The following MOG variants were observed in gnomAD, a reference collection of about 807,000 sequenced individuals.
The protein encoded by MOG is myelin oligodendrocyte glycoprotein.
MOG carries 20 observed loss-of-function variants against 35.9 expected under a neutral mutation model. The ratio of observed to expected loss-of-function variants is 0.56; its 90% CI spans 0.39 to 0.81. The LOEUF is 0.81. Among genes scored for constraint, MOG ranks in the 30% least tolerant of loss-of-function variants. The pLI is 0.00. For synonymous variants in MOG, 92 were observed against 114.3 expected, an observed-to-expected ratio of 0.80 and a Z score of 1.25; for missense variants, 251 against 301.0, an observed-to-expected ratio of 0.83 and a Z score of 1.23.
In MOG at chr6:29,670,062, C is replaced by A. The variant is rs1771119427; in HGVS notation, c.593-219C>A. 3.6e-6 allele frequency: 3 copies of A among 824,890 alleles called. No individual in the cohort carries two copies. The highest frequency in any genetic ancestry group is 1.7e-5 in the African/African-American group (1 of 59,164). The allele number at this position is 824,890 out of a possible 1,614,324, so 51.1% of individuals were successfully genotyped here. ...GGGATTACAGGCATGAGCCACCACACCTGGCAGTTGTTACATTTTTAATGA... is the reference window on the plus strand; with the variant it reads ...GGGATTACAGGCATGAGCCACCACAACTGGCAGTTGTTACATTTTTAATGA... On this transcript the variant is annotated intron_variant, in intron 5 of 7. Coordinates refer to ENST00000376917, the MANE Select transcript of MOG (RefSeq NM_206809.4). This position sits in a 1 kb window ranked among gnomAD's most constrained non-coding sequence, Gnocchi z 4.2.
chr6:29,664,561 C>T, intron 2 of MOG: 1 of 443,516 alleles, frequency 2.3e-6, no homozygotes, highest in Non-Finnish European at 4.5e-6. Flanking sequence ...TGTTGTGTGT[C>T]ATGCACCTTC....
rs757118106 is a variant in MOG at position 29,657,304 on chromosome 6, CAT to C, written c.88+8_88+9del. ...GTGTCTTCCAGCTATGCAGGTAAGA[CAT>C]GTTTTTTTTCCTGCCCTGGGGAGAC... On this transcript the variant is annotated splice_region_variant and intron_variant, in intron 1 of 7. Transcript: ENST00000376917. The C allele has an allele frequency of 5.1e-6, 8 of 1,576,598 alleles. 1 individual carries two copies. The highest frequency in any genetic ancestry group is 3.4e-5 in the South Asian group (3 of 87,224).
At position 29,670,104 on chromosome 6, in the gene MOG, CA is replaced by C. The variant is rs1272474760; in HGVS notation, c.593-176del. 2.8e-6 allele frequency: 3 copies of C among 1,060,302 alleles called. No individual in the cohort carries two copies. Among genetic ancestry groups the C allele is most frequent in the Admixed American group, 3.6e-5 (2 of 56,198 alleles). 65.7% of individuals were successfully genotyped at this position (1,060,302 alleles called of 1,614,324 possible). On this transcript the variant is annotated intron_variant, in intron 5 of 7. Transcript: ENST00000376917. This position sits in a 1 kb window ranked among gnomAD's most constrained non-coding sequence, Gnocchi z 4.2. Reference sequence around the variant, plus strand: ...TTTTAATGAAAGAAAATGTTAAATCCAGTTATTGAAAATAAGGAGGCAGTAC... The same window carrying C: ...TTTTAATGAAAGAAAATGTTAAATCCGTTATTGAAAATAAGGAGGCAGTAC...
chr6:29,671,451 G>C lies in MOG; in HGVS notation c.*266G>C. 6.3e-7 allele frequency: 1 copy of C among 1,592,028 alleles called. No individual in the cohort carries two copies. The highest frequency in any genetic ancestry group is 8.6e-7 in the Non-Finnish European group (1 of 1,161,134). The stretch of plus-strand genomic sequence containing the variant: ...CCACCTGGAAGCCCTCTCTGGCTAA[G>C]GACAGGCAGGTGCCCCTCTCTCCAT... On this transcript the variant is annotated 3_prime_UTR_variant, in exon 8 of 8. Coordinates refer to ENST00000376917, the MANE Select transcript of MOG (RefSeq NM_206809.4).
At chr6:29,660,007 A>T in intron 2 of MOG, 1 of 390,666 alleles carries the variant, frequency 2.6e-6, no homozygotes, top group South Asian at 2.5e-5. Flanking sequence ...TTGAGTGATA[A>T]GAGCAAGCTG....
intron 3 of MOG, 50 bp from the exon 4 acceptor site, chr6:29,667,593 C>A (rs1253853568): frequency 1.2e-5 from 19 of 1,611,862 alleles, no homozygotes; most frequent in Non-Finnish European, 1.6e-5. Context: ...AGGGTCCCCA[C>A]CGAGAGCCAG....
In MOG at chr6:29,671,701, T is replaced by G. The variant is rs191929535; in HGVS notation, c.*516T>G. Reference sequence around the variant, plus strand: ...CTGAGTGAGCTGAAGAGTGAGGATATGAGTAGCCCCAACCCAAACCTGGAG... The same window carrying G: ...CTGAGTGAGCTGAAGAGTGAGGATAGGAGTAGCCCCAACCCAAACCTGGAG... On this transcript the variant is annotated 3_prime_UTR_variant, in exon 8 of 8. Coordinates refer to ENST00000376917, the MANE Select transcript of MOG (RefSeq NM_206809.4). 3.1e-4 allele frequency: 178 copies of G among 583,218 alleles called. No homozygotes were observed. Among genetic ancestry groups the G allele is most frequent in the Admixed American group, 8.1e-4 (27 of 33,372 alleles). The allele number at this position is 583,218 out of a possible 1,614,324, so 36.1% of individuals were successfully genotyped here.
chr6:29,669,021 G>A (rs1040986073), intron 5 of MOG, among the ~76,000 whole-genome samples: 8 of 150,980 alleles, frequency 5.3e-5, no homozygotes, highest in African/African-American at 7.3e-5. Context: ...TCTGCCTCCC[G>A]GGTTCAAGCG....
chr6:29,658,874 G>A (rs1392761407), intron 1 of MOG, among the ~76,000 whole-genome samples: 1 of 152,194 alleles, frequency 6.6e-6, no homozygotes, highest in African/African-American at 2.4e-5. Flanking sequence ...AGCGCTTTGG[G>A]GCCAAGGCAG....
At chr6:29,667,984 T>C in intron 5 of MOG, 60 bp downstream of exon 5, 1 of 1,556,420 alleles carries the variant, frequency 6.4e-7, no homozygotes, top group Non-Finnish European at 8.9e-7. Flanking sequence ...CTAGTTCCAG[T>C]CACCTGGGGG....
chr6:29,663,101 C>T (rs13207793), intron 2 of MOG, among the ~76,000 whole-genome samples: 1 of 152,072 alleles, frequency 6.6e-6, no homozygotes, highest in South Asian at 2.1e-4. Context: ...AACCCCATTT[C>T]TACTACAAAT....
rs780773363 is a variant in MOG, at chr6:29,657,161, C to T, written c.-49C>T. Reference sequence around the variant, plus strand: ...GGGACATGCACCCCAAGGGCCTCCACTTGGCCTGACCTTGCTGCGGGGGCT... The same window carrying T: ...GGGACATGCACCCCAAGGGCCTCCATTTGGCCTGACCTTGCTGCGGGGGCT... On this transcript the variant is annotated 5_prime_UTR_variant, in exon 1 of 8. Coordinates refer to ENST00000376917, the MANE Select transcript of MOG (RefSeq NM_206809.4). The T allele has an allele frequency of 7.1e-7, 1 of 1,417,882 alleles. No homozygotes were observed. The highest frequency in any genetic ancestry group is 1.4e-5 in the African/African-American group (1 of 70,756). The allele number at this position is 1,417,882 out of a possible 1,614,324, so 87.8% of individuals were successfully genotyped here.
intron 2 of MOG, among the ~76,000 whole-genome samples, chr6:29,665,024 T>A (rs1295992446): frequency 6.6e-6 from 1 of 152,150 alleles, no homozygotes; most frequent in African/African-American, 2.4e-5. Flanking sequence ...TTCAAAATAG[T>A]AATGAACATA....
chr6:29,663,500 G>A (rs1458279445), intron 2 of MOG, among the ~76,000 whole-genome samples: 2 of 152,094 alleles, frequency 1.3e-5, no homozygotes. Flanking sequence ...GGGTTTCCCA[G>A]GGTCTGAATT....
In MOG at chr6:29,657,295, C is replaced by T; in HGVS notation, c.86C>T (p.Ala29Val). 1 of 1,586,884 alleles carries T rather than the reference C, an allele frequency of 6.3e-7. No homozygotes were observed. The highest frequency in any genetic ancestry group is 8.6e-7 in the Non-Finnish European group (1 of 1,165,326). ...LLLLQVSSSY[A>V]GQFRVIGPRH... ...CTCCTCCAAGTGTCTTCCAGCTATG[C>T]AGGTAAGACATGTTTTTTTTCCTGC... The change falls in exon 1 of 8, where the codon GCA becomes GTA. Residue 29 changes from alanine to valine, a missense_variant and splice_region_variant. Physicochemically the swap from Ala to Val is moderately conservative, Grantham distance 64. Transcript: ENST00000376917.
intron 1 of MOG, among the ~76,000 whole-genome samples, chr6:29,658,805 G>A (rs1486253351): frequency 4.6e-5 from 7 of 152,208 alleles, no homozygotes; most frequent in Admixed American, 6.5e-5. Context: ...CTTTTTTGTC[G>A]TTGTTGTTCT....
At chr6:29,668,332 T>G (rs2127530749) in intron 5 of MOG, among the ~76,000 whole-genome samples, 1 of 152,288 alleles carries the variant, frequency 6.6e-6, no homozygotes, top group African/African-American at 2.4e-5. Flanking sequence ...TCAGGATGTT[T>G]CCATGAGTAC....
At chr6:29,661,004 C>T (rs923142323) in intron 2 of MOG, among the ~76,000 whole-genome samples, 2 of 152,098 alleles carry the variant, frequency 1.3e-5, no homozygotes, top group African/African-American at 4.8e-5. Flanking sequence ...CCATGGTGCC[C>T]GGCCTCAGAA....
intron 5 of MOG, 151 bp downstream of exon 5, chr6:29,668,075 G>A (rs2068156741): frequency 1.3e-6 from 1 of 773,086 alleles, no homozygotes; most frequent in Non-Finnish European, 2.2e-6. Context: ...TTGCATTTAG[G>A]ATTGGTAAAA....
Sources: gnomAD v4.1 joint callset for allele counts (sites outside exome capture counted in the v4.1 genomes callset) on GRCh38, gnomAD v4.1.1 for gene constraint, Gnocchi (gnomAD v3.1) non-coding constraint, MANE v1.5 for transcripts, NCBI Gene and HGNC (gene_info 2026-07-23, HGNC 2026-07-21) for gene names.